FTO: variants seen among roughly 807,000 people sequenced by gnomAD.
FTO encodes FTO alpha-ketoglutarate dependent dioxygenase.
In FTO, 47 loss-of-function variants were observed where a neutral mutation model predicts 63.9. The ratio of observed to expected loss-of-function variants is 0.74; its 90% CI spans 0.58 to 0.94. The LOEUF is 0.94. FTO is among the 40% of genes least tolerant of loss of function. The probability of loss-of-function intolerance (pLI) is 0.00; values close to 1 mark genes in which losing one functional copy is unlikely to be tolerated. For synonymous variants in FTO, 207 were observed against 224.4 expected (o/e 0.92, Z 0.69); for missense variants, 562 against 618.1 (o/e 0.91, Z 0.96).
intron 5 of FTO, among the ~76,000 whole-genome samples, chr16:53,876,692 C>T (rs183430412): frequency 1.3e-5 from 2 of 152,218 alleles, no homozygotes; most frequent in Admixed American, 6.5e-5. Context: ...TTTAGGAGGC[C>T]GAGGTGAGTG....
chr16:53,916,108 G>T (rs548855702), intron 7 of FTO, among the ~76,000 whole-genome samples: 1 of 152,256 alleles, frequency 6.6e-6, no homozygotes, highest in African/African-American at 2.4e-5. Flanking sequence ...TTATATCAAG[G>T]TGCTTCAGTG....
At position 53,761,187 on chromosome 16, in the gene FTO, C is replaced by T. The variant is rs539844730; in HGVS notation, c.46-48953C>T. Among the ~76,000 whole-genome samples, 53 of 152,138 alleles carry T rather than the reference C, an allele frequency of 3.5e-4. 1 individual carries two copies. The South Asian group carries it at 8.1e-3, about 23-fold the overall frequency. On this transcript the variant is annotated intron_variant, in intron 1 of 8. Transcript: ENST00000471389. ...TCATAGCTCACTGCAGCATAAAACT[C>T]CTGGGCTGAAGGGATCCTCCTGCCT...
At chr16:53,717,684 T>C (rs770524436) in intron 1 of FTO, among the ~76,000 whole-genome samples, 60 of 152,254 alleles carry the variant, frequency 3.9e-4, no homozygotes, top group Non-Finnish European at 7.2e-4. Context: ...TAATATTTTA[T>C]GTTTTTTTCA....
rs1340002370 is a variant in FTO, at chr16:53,879,986, A to T, written c.1118A>T (p.Glu373Val). 5.6e-6 allele frequency: 9 copies of T among 1,608,666 alleles called. No homozygotes were observed. The South Asian group carries it at 9.9e-5, about 18-fold the overall frequency. The change falls in exon 6 of 9, where the codon GAG becomes GTG. Residue 373 changes from glutamate (E) to valine (V), a missense_variant and splice_region_variant. Physicochemically the swap from Glu to Val is moderately radical, Grantham distance 121. Transcript: ENST00000471389. Reference sequence around the variant, plus strand: ...AAACAAGGAGAAGAAATTCATAATGAGGTAAGGACTTTCTTTTTTTTTTTT... The same window carrying T: ...AAACAAGGAGAAGAAATTCATAATGTGGTAAGGACTTTCTTTTTTTTTTTT... ...VLKQGEEIHN[E>V]VEFEWLRQFW...
chr16:53,727,182 T>A, intron 1 of FTO, among the ~76,000 whole-genome samples: 1 of 152,224 alleles, frequency 6.6e-6, no homozygotes. Flanking sequence ...TTGTCTCAAG[T>A]GGTCTAAGTT....
chr16:53,870,394 G>C (rs75918211), intron 4 of FTO, among the ~76,000 whole-genome samples: 4,723 of 152,174 alleles, frequency 0.031, 273 homozygotes, highest in African/African-American at 0.11. Flanking sequence ...TCTCAGTCCC[G>C]TCTACGTTGA....
intron 8 of FTO, among the ~76,000 whole-genome samples, chr16:54,019,109 C>T (rs527629629): frequency 1.6e-3 from 245 of 152,278 alleles, no homozygotes; most frequent in African/African-American, 5.6e-3. Flanking sequence ...CTCCAGGCAC[C>T]ACATCCAGAT....
intron 8 of FTO, among the ~76,000 whole-genome samples, chr16:54,095,112 C>T (rs776455677): frequency 1.3e-5 from 2 of 152,090 alleles, no homozygotes; most frequent in Non-Finnish European, 2.9e-5. Context: ...GCTATGTTAC[C>T]AAAGGTGGTT....
At chr16:53,770,845 A>T (rs1247246687) in intron 1 of FTO, among the ~76,000 whole-genome samples, 3 of 152,104 alleles carry the variant, frequency 2.0e-5, no homozygotes, top group Non-Finnish European at 4.4e-5. Flanking sequence ...GGCTTCTTGG[A>T]TGATAGATTT....
intron 1 of FTO, among the ~76,000 whole-genome samples, chr16:53,783,910 G>T (rs2077661475): frequency 1.3e-5 from 2 of 152,148 alleles, no homozygotes; most frequent in South Asian, 4.1e-4. Context: ...AGGTTCTGTA[G>T]ATCAGTGGTT....
intron 1 of FTO, among the ~76,000 whole-genome samples, chr16:53,758,681 G>A (rs1418588429): frequency 6.6e-6 from 1 of 152,072 alleles, no homozygotes; most frequent in Non-Finnish European, 1.5e-5. Context: ...GCCTCAAATA[G>A]GAATGACAAA....
At chr16:53,931,348 C>T (rs1403264247) in intron 7 of FTO, among the ~76,000 whole-genome samples, 1 of 145,470 alleles carries the variant, frequency 6.9e-6, no homozygotes, top group Non-Finnish European at 1.5e-5. Context: ...CTCTTGTTGC[C>T]CAGGTTGGAG....
chr16:54,093,902 G>A (rs971729732), intron 8 of FTO, among the ~76,000 whole-genome samples: 1 of 152,138 alleles, frequency 6.6e-6, no homozygotes. Context: ...GAGATGAGGT[G>A]GCCCAGACTG....
chr16:54,053,619 A>G (rs1488235721), intron 8 of FTO, among the ~76,000 whole-genome samples: 1 of 152,114 alleles, frequency 6.6e-6, no homozygotes, highest in African/African-American at 2.4e-5. Context: ...AGGGACTTCA[A>G]TTTTGTGACA....
chr16:53,815,035 A>T (rs1222671595), intron 2 of FTO, among the ~76,000 whole-genome samples: 1 of 151,970 alleles, frequency 6.6e-6, no homozygotes, highest in Non-Finnish European at 1.5e-5. Flanking sequence ...CCCGAGGCCA[A>T]CATACCTGGA....
intron 8 of FTO, among the ~76,000 whole-genome samples, chr16:54,010,226 C>A (rs991816911): frequency 2.6e-5 from 4 of 152,004 alleles, no homozygotes; most frequent in Non-Finnish European, 4.4e-5. Flanking sequence ...CCACCCTGGG[C>A]AACATAGCAA....
intron 4 of FTO, among the ~76,000 whole-genome samples, chr16:53,863,821 A>G (rs1158894600): frequency 6.6e-6 from 1 of 152,226 alleles, no homozygotes; most frequent in Non-Finnish European, 1.5e-5. Context: ...TATATTTATC[A>G]GGCTCGCTGC....
At chr16:53,769,732 G>A (rs1225795343) in intron 1 of FTO, among the ~76,000 whole-genome samples, 1 of 152,016 alleles carries the variant, frequency 6.6e-6, no homozygotes. Flanking sequence ...TATCAAAATA[G>A]TCTATAATGG....
chr16:53,846,443 A>G (rs2151823725), intron 4 of FTO, among the ~76,000 whole-genome samples: 1 of 152,296 alleles, frequency 6.6e-6, no homozygotes, highest in South Asian at 2.1e-4. Flanking sequence ...TCTATTAGCA[A>G]TGTATATCTT....
Sources: gnomAD v4.1 joint callset for allele counts (sites outside exome capture counted in the v4.1 genomes callset) on GRCh38, gnomAD v4.1.1 for gene constraint, MANE v1.5 for transcripts, NCBI Gene and HGNC (gene_info 2026-07-23, HGNC 2026-07-21) for gene names.